KCNMA1: variants seen among roughly 807,000 people sequenced by gnomAD.
KCNMA1 encodes the protein potassium calcium-activated channel subfamily M alpha 1.
Under a neutral mutation model 140.0 loss-of-function variants are expected in KCNMA1, and 29 were observed. The ratio of observed to expected loss-of-function variants is 0.21; its 90% CI spans 0.15 to 0.28. KCNMA1 has a LOEUF of 0.28. Ranked by LOEUF, KCNMA1 falls within the 10% of genes least tolerant of loss-of-function variation. KCNMA1 has a pLI of 1.00. For synonymous variants in KCNMA1, 612 were observed against 611.9 expected (o/e 1.00, Z 0.00); for missense variants, 880 against 1,602.2 (o/e 0.55, Z 7.70).
chr10:77,002,547 C>T (rs2086835147), intron 18 of KCNMA1, among the ~76,000 whole-genome samples: 1 of 152,116 alleles, frequency 6.6e-6, no homozygotes, highest in African/African-American at 2.4e-5. Flanking sequence ...GAATAGGTTC[C>T]ACGTGAAATA....
At chr10:76,994,206 G>C (rs1396101547) in intron 19 of KCNMA1, among the ~76,000 whole-genome samples, 3 of 152,172 alleles carry the variant, frequency 2.0e-5, no homozygotes, top group Non-Finnish European at 4.4e-5. Context: ...TGCCTTATCT[G>C]TAAATGGGGC....
intron 17 of KCNMA1, among the ~76,000 whole-genome samples, chr10:77,015,066 C>T (rs1338007872): frequency 1.3e-5 from 2 of 152,200 alleles, no homozygotes; most frequent in African/African-American, 4.8e-5. Flanking sequence ...CTCCTCTCCT[C>T]TCCACTTGCT....
At chr10:77,405,987 G>T (rs545658711) in intron 1 of KCNMA1, among the ~76,000 whole-genome samples, 47 of 152,254 alleles carry the variant, frequency 3.1e-4, no homozygotes, top group African/African-American at 1.1e-3. Context: ...AGAAAAGTGG[G>T]ACCTGCAGCC....
intron 1 of KCNMA1, among the ~76,000 whole-genome samples, chr10:77,408,588 T>G (rs562450613): frequency 6.6e-6 from 1 of 152,162 alleles, no homozygotes; most frequent in Non-Finnish European, 1.5e-5. Flanking sequence ...GAAACCCCAC[T>G]GGCTGCAGCC....
intron 1 of KCNMA1, among the ~76,000 whole-genome samples, chr10:77,538,803 A>C (rs1264719443): frequency 6.6e-6 from 1 of 152,158 alleles, no homozygotes; most frequent in Non-Finnish European, 1.5e-5. Context: ...CTCGTGCCAC[A>C]AAAGGCATCT....
chr10:77,235,685 A>T (rs2055195505), intron 3 of KCNMA1, among the ~76,000 whole-genome samples: 1 of 152,186 alleles, frequency 6.6e-6, no homozygotes, highest in Non-Finnish European at 1.5e-5. Flanking sequence ...TTTTGTTGAC[A>T]TTAGTAGAAT....
At chr10:77,196,609 A>G (rs553973651) in intron 3 of KCNMA1, among the ~76,000 whole-genome samples, 86 of 152,362 alleles carry the variant, frequency 5.6e-4, no homozygotes, top group African/African-American at 2.0e-3. Flanking sequence ...GACTGTGGGA[A>G]GAGCTTCAAT....
chr10:77,437,930 A>G (rs771718915), intron 1 of KCNMA1, among the ~76,000 whole-genome samples: 4 of 152,224 alleles, frequency 2.6e-5, no homozygotes, highest in Admixed American at 6.5e-5. Context: ...ATCAGAGCCT[A>G]TGGTGGCCTG....
chr10:76,881,794 G>A (rs1291765080), downstream of KCNMA1, among the ~76,000 whole-genome samples: 1 of 152,118 alleles, frequency 6.6e-6, no homozygotes, highest in African/African-American at 2.4e-5. Context: ...CATGGATTGT[G>A]GCAGCAGAGG....
chr10:77,162,032 C>CT (rs1397043121), intron 5 of KCNMA1, among the ~76,000 whole-genome samples: 2 of 152,048 alleles, frequency 1.3e-5, no homozygotes, highest in African/African-American at 2.4e-5. Context: ...CTTCCTTTGC[C>CT]TTTTTTTCCT....
At chr10:77,278,101 A>G (rs574536827) in intron 2 of KCNMA1, among the ~76,000 whole-genome samples, 1 of 152,330 alleles carries the variant, frequency 6.6e-6, no homozygotes, top group Admixed American at 6.5e-5. Flanking sequence ...AATCTGTGTC[A>G]CTTAGTACAA....
chr10:77,487,063 C>T (rs2098469463), intron 1 of KCNMA1, among the ~76,000 whole-genome samples: 1 of 152,166 alleles, frequency 6.6e-6, no homozygotes, highest in Non-Finnish European at 1.5e-5. Flanking sequence ...TCCCCATAAA[C>T]TCAGTCAGCG....
intron 2 of KCNMA1, among the ~76,000 whole-genome samples, chr10:77,306,623 T>C (rs1209790502): frequency 6.6e-6 from 1 of 152,192 alleles, no homozygotes; most frequent in African/African-American, 2.4e-5. Context: ...AGAATTAACA[T>C]GATCAGAAAA....
chr10:77,321,164 C>T (rs549381804), intron 2 of KCNMA1, among the ~76,000 whole-genome samples: 22 of 152,212 alleles, frequency 1.4e-4, no homozygotes, highest in Non-Finnish European at 3.2e-4. Context: ...ATATGCATTA[C>T]TCAGAGTGGA....
In KCNMA1 at chr10:76,893,910, C is replaced by T. The variant is rs551249829; in HGVS notation, c.3148-2191G>A. Among the ~76,000 whole-genome samples the T allele has an allele frequency of 1.7e-4, 26 of 152,238 alleles. No individual in the cohort carries two copies. In the East Asian group the frequency reaches 5.0e-3, roughly 29 times the overall value. ...CTTGATTTATTAAGATGGAATACTA[C>T]CTTAATTTCCAGATTTTATGTAATA... On this transcript the variant is annotated intron_variant, in intron 25 of 27. Transcript: ENST00000286628.
intron 5 of KCNMA1, among the ~76,000 whole-genome samples, chr10:77,172,741 T>C (rs2098719286): frequency 1.3e-5 from 2 of 151,320 alleles, no homozygotes; most frequent in South Asian, 2.1e-4. Context: ...GAGCCCCATG[T>C]CAGTCTATAT....
chr10:77,354,873 G>A (rs1177056029), intron 2 of KCNMA1, among the ~76,000 whole-genome samples: 1 of 152,178 alleles, frequency 6.6e-6, no homozygotes, highest in East Asian at 1.9e-4. Context: ...GCCCAAAAAA[G>A]AGAGACTATG....
At chr10:77,300,898 G>T (rs976630288) in intron 2 of KCNMA1, among the ~76,000 whole-genome samples, 1 of 152,302 alleles carries the variant, frequency 6.6e-6, no homozygotes, top group South Asian at 2.1e-4. Flanking sequence ...AGCCCGAGCT[G>T]CTCACAGAAA....
intron 6 of KCNMA1, among the ~76,000 whole-genome samples, chr10:77,119,023 G>A (rs1051584221): frequency 6.6e-6 from 1 of 152,190 alleles, no homozygotes; most frequent in Non-Finnish European, 1.5e-5. Context: ...AGGCTGTTTT[G>A]GGGCCCGGAT....
Sources: gnomAD v4.1 joint callset for allele counts (sites outside exome capture counted in the v4.1 genomes callset) on GRCh38, gnomAD v4.1.1 for gene constraint, MANE v1.5 for transcripts, NCBI Gene and HGNC (gene_info 2026-07-23, HGNC 2026-07-21) for gene names.